Variants in F8 observed in about 807,000 individuals in gnomAD.
F8 encodes coagulation factor VIII.
A neutral mutation model predicts 140.6 loss-of-function variants in F8; 12 were observed. That is an observed-to-expected ratio of 0.09 (90% CI 0.05 to 0.14). The LOEUF is 0.14. Among genes scored for constraint, F8 ranks in the 10% least tolerant of loss-of-function variants. The pLI, the probability that F8 is intolerant of heterozygous loss-of-function variation, is 1.00. For missense variants in F8, 1,354 were observed against 1,720.7 expected (o/e 0.79, Z 3.77); for synonymous variants, 585 against 614.6 (o/e 0.95, Z 0.71).
At position 154,965,218 on chromosome X, in the gene F8, T is replaced by C. The variant is rs150561392; in HGVS notation, c.1443+752A>G. Among the ~76,000 whole-genome samples, 893 of 111,844 alleles carry C rather than the reference T, an allele frequency of 8.0e-3. 13 individuals carry two copies. The highest frequency in any genetic ancestry group is 0.026 in the African/African-American group (811 of 30,784). On this transcript the variant is annotated intron_variant, in intron 9 of 25. Transcript: ENST00000360256. ...AATGGTGTGGGGAAAAGGGCAGTCA[T>C]ATACTTATGGTAGGGGATATAAATT...
At chrX:155,002,307 TTA>T (rs1459804609) in intron 1 of F8, among the ~76,000 whole-genome samples, 1 of 112,506 alleles carries the variant, frequency 8.9e-6, no homozygotes, top group African/African-American at 3.2e-5. Flanking sequence ...ATGGTTAATT[TTA>T]TATGTCAACT....
Position 154,906,473 on chromosome X carries a change from G to A in F8, c.5320C>T (p.His1774Tyr), listed in dbSNP as rs2073038910. ...QPLYRGELNE[H>Y]LGLLGPYIRA... ...ATATATGGCCCCAGGAGTCCCAAAT[G>A]TTCATTTAGTTCTCCACGGTATAAG... Residue 1774 changes from histidine to tyrosine, a missense_variant, in exon 15 of 26, where the codon CAT (histidine) becomes TAT (tyrosine). Physicochemically the swap from His to Tyr is moderately conservative, Grantham distance 83 (BLOSUM62 2). Transcript: ENST00000360256. 1.7e-6 allele frequency: 2 copies of A among 1,209,308 alleles called. No homozygotes were observed. Among genetic ancestry groups the A allele is most frequent in the Non-Finnish European group, 2.2e-6 (2 of 893,725 alleles).
chrX:154,849,266 G>A (rs371323971), intron 25 of F8, among the ~76,000 whole-genome samples: 5 of 110,088 alleles, frequency 4.5e-5, no homozygotes, highest in East Asian at 2.9e-4. Flanking sequence ...GTGAGCCACC[G>A]CGTCCAGCCA....
intron 15 of F8, 73 bp downstream of exon 15, chrX:154,906,347 G>T (rs2073038006): frequency 1.0e-6 from 1 of 986,250 alleles, no homozygotes; most frequent in Non-Finnish European, 1.4e-6. Context: ...CCAAAAGTGG[G>T]AATACATTAT....
At chrX:154,864,896 G>T (rs1382159298) in intron 22 of F8, among the ~76,000 whole-genome samples, 1 of 111,293 alleles carries the variant, frequency 9.0e-6, no homozygotes, top group Non-Finnish European at 1.9e-5. Context: ...ATCTTAAAAG[G>T]AGAAGAGAGA....
At chrX:154,950,921 A>G (rs2073334303) in intron 12 of F8, among the ~76,000 whole-genome samples, 1 of 112,201 alleles carries the variant, frequency 8.9e-6, no homozygotes, top group Non-Finnish European at 1.9e-5. Context: ...GTGTCTTCAT[A>G]TAGTCTTGTT....
At chrX:154,980,853 C>A (rs1401272261) in intron 6 of F8, among the ~76,000 whole-genome samples, 1 of 111,863 alleles carries the variant, frequency 8.9e-6, no homozygotes, top group Admixed American at 9.4e-5. Flanking sequence ...CACCTGTAGT[C>A]CCACTCTGGA....
chrX:155,014,800 A>G (rs782288369), intron 1 of F8, among the ~76,000 whole-genome samples: 10 of 112,244 alleles, frequency 8.9e-5, no homozygotes, highest in Non-Finnish European at 1.5e-4. Context: ...ACAAAGCCAT[A>G]CCATGTTGTT....
At chrX:154,972,778 C>T (rs1293290037) in intron 6 of F8, among the ~76,000 whole-genome samples, 1 of 91,390 alleles carries the variant, frequency 1.1e-5, no homozygotes, top group Middle Eastern at 6.5e-3. Context: ...TGCAATAGCA[C>T]GATCTAGGCT....
chrX:154,875,220 G>A (rs1369192820), intron 22 of F8, among the ~76,000 whole-genome samples: 1 of 111,427 alleles, frequency 9.0e-6, no homozygotes, highest in Non-Finnish European at 1.9e-5. Flanking sequence ...TGTGGTGTGG[G>A]GGAAACAGGG....
intron 14 of F8, among the ~76,000 whole-genome samples, chrX:154,909,893 C>T (rs149602990): frequency 2.7e-5 from 3 of 112,500 alleles, no homozygotes. Context: ...TATTTTGAAA[C>T]ATACAATAAA....
chrX:154,878,092 C>T (rs1211789343), intron 22 of F8, among the ~76,000 whole-genome samples: 1 of 111,307 alleles, frequency 9.0e-6, no homozygotes, highest in Non-Finnish European at 1.9e-5. Context: ...TACTATGAGG[C>T]CACCATATCT....
chrX:154,968,946 CAAA>C (rs781844406), intron 7 of F8, among the ~76,000 whole-genome samples: 84 of 98,009 alleles, frequency 8.6e-4, no homozygotes, highest in African/African-American at 3.1e-3. Flanking sequence ...TAGATTTCTC[CAAA>C]AAAAAAAAAA....
rs782725753 is a variant in F8, at chrX:154,906,642, C to T, written c.5220-69G>A. On this transcript the variant is annotated intron_variant, in intron 14 of 25. Coordinates refer to ENST00000360256, the MANE Select transcript of F8 (RefSeq NM_000132.4). ...AGTGGGTAGAAATGCCTCACATCCT[C>T]ATTTTCCTAGGTGCCTGAGAAGCAT... 8.7e-6 allele frequency: 9 copies of T among 1,035,397 alleles called. No homozygotes were observed. In the African/African-American group the frequency reaches 1.3e-4, roughly 15 times the overall value. The allele number at this position is 1,035,397 out of a possible 1,213,427, so 85.3% of individuals were successfully genotyped here. A position where few individuals can be genotyped will look rare whatever the true frequency, so the allele number is the denominator to read the frequency against.
chrX:154,904,931 T>C lies in F8; in HGVS notation c.5466A>G (p.Arg1822=), dbSNP rs2073030271. ...TTTCATTAGGCTTGACAAAGTTTTT[T>C]CTAGGTTCTGCTCCTTGCCTCTGAT... is the stretch of plus-strand genomic sequence containing the variant. The part of the protein sequence containing the change: ...EEDQRQGAEP[R]KNFVKPNETK... The change falls in exon 16 of 26, where the codon AGA becomes AGG. Residue 1822 remains arginine, a synonymous_variant. Transcript: ENST00000360256. The C allele has an allele frequency of 8.3e-7, 1 of 1,210,513 alleles. No individual in the cohort carries two copies.
chrX:154,955,317 A>ATTTTT (rs34537569), intron 11 of F8, among the ~76,000 whole-genome samples: 30 of 66,880 alleles, frequency 4.5e-4, no homozygotes, highest in African/African-American at 1.6e-3. Context: ...TGCCCAGCTA[A>ATTTTT]TTTTTTTTTT....
intron 21 of F8, chrX:154,897,980 A>G (rs781886752): frequency 8.9e-6 from 1 of 112,585 alleles, no homozygotes; most frequent in African/African-American, 3.2e-5. Flanking sequence ...AGCTTCACCT[A>G]TGTGCCCAGC....
intron 4 of F8, among the ~76,000 whole-genome samples, chrX:154,990,841 G>A (rs1020478408): frequency 9.0e-6 from 1 of 111,637 alleles, no homozygotes; most frequent in African/African-American, 3.3e-5. Context: ...TGTAGGTTGG[G>A]GGTGAATCCA....
chrX:154,911,908 G>A (rs193158936), intron 14 of F8, among the ~76,000 whole-genome samples: 11 of 112,391 alleles, frequency 9.8e-5, no homozygotes, highest in Admixed American at 2.8e-4. Context: ...TAACTGGAGT[G>A]AAATATCCAT....
Sources: gnomAD v4.1 joint callset for allele counts (sites outside exome capture counted in the v4.1 genomes callset) on GRCh38, gnomAD v4.1.1 for gene constraint, MANE v1.5 for transcripts, NCBI Gene and HGNC (gene_info 2026-07-23, HGNC 2026-07-21) for gene names.